Variants in SLC16A12 observed in about 807,000 individuals in gnomAD.
SLC16A12 encodes solute carrier family 16 member 12.
Under a neutral mutation model 42.4 loss-of-function variants are expected in SLC16A12, and 17 were observed. That is an observed-to-expected ratio of 0.40 (90% CI 0.27 to 0.60). SLC16A12 has a LOEUF of 0.60. Among genes scored for constraint, SLC16A12 ranks in the 20% least tolerant of loss-of-function variants. SLC16A12 has a pLI of 0.42. For synonymous variants in SLC16A12, 224 were observed against 229.4 expected, an observed-to-expected ratio of 0.98 and a Z score of 0.21; for missense variants, 544 against 623.0, an observed-to-expected ratio of 0.87 and a Z score of 1.35.
chr10:89,457,927 G>A (rs1038647908), intron 3 of SLC16A12, among the ~76,000 whole-genome samples: 2 of 152,192 alleles, frequency 1.3e-5, no homozygotes, highest in Non-Finnish European at 2.9e-5. Flanking sequence ...TTATCCTAAA[G>A]ATGGAGAAGG....
chr10:89,485,203 G>T (rs1352752859), intron 2 of SLC16A12, among the ~76,000 whole-genome samples: 2 of 152,194 alleles, frequency 1.3e-5, no homozygotes, highest in Non-Finnish European at 2.9e-5. Context: ...CACAATCAGG[G>T]TGTGCTACTG....
At chr10:89,506,932 A>C (rs1367993470) in intron 2 of SLC16A12, among the ~76,000 whole-genome samples, 1 of 152,102 alleles carries the variant, frequency 6.6e-6, no homozygotes, top group East Asian at 1.9e-4. Context: ...TGAAGCATAC[A>C]CAAGCTTCAA....
intron 1 of SLC16A12, among the ~76,000 whole-genome samples, chr10:89,534,913 T>C (rs1843627240): frequency 6.6e-6 from 1 of 151,972 alleles, no homozygotes; most frequent in African/African-American, 2.4e-5. Flanking sequence ...CTTACTGAAA[T>C]TGTGCTTCAA....
Position 89,432,106 on chromosome 10 carries a change from G to A in SLC16A12, c.*958C>T, listed in dbSNP as rs1050506450. 2.0e-5 allele frequency: 3 copies of A among 152,594 alleles called. No homozygotes were observed. Among genetic ancestry groups the A allele is most frequent in the African/African-American group, 4.8e-5 (2 of 41,424 alleles). 9.5% of individuals were successfully genotyped at this position (152,594 alleles called of 1,614,324 possible). On this transcript the variant is annotated 3_prime_UTR_variant, in exon 8 of 8. Transcript: ENST00000371790. ...CAAGAATTCAGTTCCTGCCCAATTG[G>A]AATACTGCCAACATTTTTCCAACCT... is the stretch of plus-strand genomic sequence containing the variant.
intron 2 of SLC16A12, among the ~76,000 whole-genome samples, chr10:89,501,675 C>T (rs1305389185): frequency 6.6e-6 from 1 of 152,138 alleles, no homozygotes; most frequent in Non-Finnish European, 1.5e-5. Flanking sequence ...CACTCGAACC[C>T]AGGAGATGAA....
chr10:89,470,288 A>C lies in SLC16A12; in HGVS notation c.-46-7664T>G, dbSNP rs560573227. Among the ~76,000 whole-genome samples the C allele has an allele frequency of 1.1e-4, 16 of 152,336 alleles. No individual in the cohort carries two copies. In the South Asian group the frequency reaches 3.3e-3, roughly 32 times the overall value. ...GGGTGATGAGCTGCCCATGTTTCTT[A>C]GGGACTATGTTTCCCACTCCCTAAG... On this transcript the variant is annotated intron_variant, in intron 2 of 7. Transcript: ENST00000371790.
In SLC16A12 at chr10:89,430,649, A is replaced by C. The variant is rs888477982; in HGVS notation, c.*2415T>G. ...TAAAATAGTAGACCTTAAGATGTAC[A>C]TTTTTCTTACTGATTTTCTAAAAAT... On this transcript the variant is annotated 3_prime_UTR_variant, in exon 8 of 8. Coordinates refer to ENST00000371790, the MANE Select transcript of SLC16A12 (RefSeq NM_213606.4). 2.1e-6 allele frequency: 1 copy of C among 467,188 alleles called. No individual in the cohort carries two copies. Among genetic ancestry groups the C allele is most frequent in the Non-Finnish European group, 4.4e-6 (1 of 226,188 alleles). 28.9% of individuals were successfully genotyped at this position (467,188 alleles called of 1,614,324 possible). A position where few individuals can be genotyped will look rare whatever the true frequency, so the allele number is the denominator to read the frequency against.
At chr10:89,449,752 A>G (rs951296640) in intron 3 of SLC16A12, among the ~76,000 whole-genome samples, 1 of 152,242 alleles carries the variant, frequency 6.6e-6, no homozygotes, top group Non-Finnish European at 1.5e-5. Context: ...GCCAAAATTG[A>G]CAAATGGAAT....
upstream of SLC16A12, among the ~76,000 whole-genome samples, chr10:89,536,982 C>A (rs1208914901): frequency 6.6e-6 from 1 of 151,848 alleles, no homozygotes; most frequent in Non-Finnish European, 1.5e-5. Flanking sequence ...GGATTACGGG[C>A]GCGTGCCACC....
intron 6 of SLC16A12, among the ~76,000 whole-genome samples, chr10:89,436,526 A>G (rs1841789254): frequency 6.6e-6 from 1 of 152,208 alleles, no homozygotes; most frequent in African/African-American, 2.4e-5. Flanking sequence ...GAAAGAATAT[A>G]TACTTCAAAA....
chr10:89,438,616 AG>A lies in SLC16A12; in HGVS notation c.1015del (p.Leu339Ter). On this transcript the variant is annotated frameshift_variant, in exon 6 of 8. Transcript: ENST00000371790. LOFTEE classifies it high-confidence loss of function. ...TCATGAATTTTACCTTCTGTCGGTC[AG>A]CCATCCAAATGTGATATTGCCAATA... ...DIIGNITFGWLTDRRCLKNYQ... is the reference protein window; with the variant it reads ...DIIGNITFGWXTDRRCLKNYQ... 6.2e-7 allele frequency: 1 copy of A among 1,613,768 alleles called. No individual in the cohort carries two copies. The highest frequency in any genetic ancestry group is 1.1e-5 in the South Asian group (1 of 91,032).
intron 2 of SLC16A12, among the ~76,000 whole-genome samples, chr10:89,466,488 C>A (rs1475538718): frequency 6.6e-6 from 1 of 152,182 alleles, no homozygotes; most frequent in Admixed American, 6.5e-5. Flanking sequence ...CAGAATCATA[C>A]TTATAGTCAA....
intron 3 of SLC16A12, among the ~76,000 whole-genome samples, chr10:89,460,442 T>C (rs1842279396): frequency 6.6e-6 from 1 of 151,046 alleles, no homozygotes; most frequent in South Asian, 2.1e-4. Flanking sequence ...AATCATACTT[T>C]GGCAGGGCAC....
chr10:89,538,436 T>C (rs575654401), upstream of SLC16A12, among the ~76,000 whole-genome samples: 3 of 152,374 alleles, frequency 2.0e-5, no homozygotes, highest in South Asian at 4.1e-4. Flanking sequence ...TCTGTTGCAC[T>C]AATCACCTTT....
intron 2 of SLC16A12, among the ~76,000 whole-genome samples, chr10:89,521,044 A>G (rs1564598113): frequency 6.6e-6 from 1 of 152,190 alleles, no homozygotes; most frequent in Non-Finnish European, 1.5e-5. Flanking sequence ...AGTGCTTTCA[A>G]TCCCTGCAAT....
chr10:89,460,958 C>T (rs766323374), intron 3 of SLC16A12, among the ~76,000 whole-genome samples: 1 of 152,112 alleles, frequency 6.6e-6, no homozygotes, highest in Non-Finnish European at 1.5e-5. Context: ...AGATAAACAT[C>T]TTATTCTATC....
intron 2 of SLC16A12, among the ~76,000 whole-genome samples, chr10:89,541,971 A>T (rs964681179): frequency 2.0e-5 from 3 of 152,170 alleles, no homozygotes; most frequent in Admixed American, 6.5e-5. Flanking sequence ...AAGGATTGTG[A>T]GGAAATTTAT....
intron 2 of SLC16A12, among the ~76,000 whole-genome samples, chr10:89,504,341 C>T (rs1448003061): frequency 6.6e-6 from 1 of 152,162 alleles, no homozygotes; most frequent in African/African-American, 2.4e-5. Context: ...AATGCCTTTC[C>T]TTATTACCTG....
Position 89,443,835 on chromosome 10 carries a change from C to A in SLC16A12, c.225G>T (p.Glu75Asp), listed in dbSNP as rs754359341. 15 of 1,612,912 alleles carry A rather than the reference C, an allele frequency of 9.3e-6. No homozygotes were observed. Among genetic ancestry groups the A allele is most frequent in the African/African-American group, 2.7e-5 (2 of 74,892 alleles). Residue 75 changes from glutamate (E) to aspartate (D), a missense_variant, in exon 4 of 8, where the codon GAG becomes GAT. Glu to Asp is a conservative substitution (Grantham distance 45). Transcript: ENST00000371790. ...AATCCTGAGTGAAGTATGTCTGGAACTCCACAAAAAAAATTGAGATACATC... is the reference window on the plus strand; with the variant it reads ...AATCCTGAGTGAAGTATGTCTGGAAATCCACAAAAAAAATTGAGATACATC... Reference protein sequence around the residue: ...VTRCISIFFVEFQTYFTQDYA... With the variant: ...VTRCISIFFVDFQTYFTQDYA...
Sources: gnomAD v4.1 joint callset for allele counts (sites outside exome capture counted in the v4.1 genomes callset) on GRCh38, gnomAD v4.1.1 for gene constraint, MANE v1.5 for transcripts, NCBI Gene and HGNC (gene_info 2026-07-23, HGNC 2026-07-21) for gene names.